The following SOX6 variants were observed in gnomAD, a reference collection of about 807,000 sequenced individuals.
The protein encoded by SOX6 is SRY-box transcription factor 6, also known as transcription factor SOX-6.
SOX6 carries 11 observed loss-of-function variants against 97.8 expected under a neutral mutation model. That is an observed-to-expected ratio of 0.11 (90% CI 0.07 to 0.19). SOX6 has a LOEUF of 0.19. Ranked by LOEUF, SOX6 falls within the 10% of genes least tolerant of loss-of-function variation. SOX6 has a pLI of 1.00. For synonymous variants in SOX6, 360 were observed against 371.4 expected, an observed-to-expected ratio of 0.97 and a Z score of 0.35; for missense variants, 810 against 1,039.5, an observed-to-expected ratio of 0.78 and a Z score of 3.04.
intron 4 of SOX6, among the ~76,000 whole-genome samples, chr11:16,586,995 T>C (rs1474685082): frequency 6.6e-6 from 1 of 152,214 alleles, no homozygotes; most frequent in African/African-American, 2.4e-5. Context: ...GACAGGGTTA[T>C]GATGTACAAG....
intron 3 of SOX6, among the ~76,000 whole-genome samples, chr11:16,713,425 A>G (rs1848195669): frequency 6.6e-6 from 1 of 152,184 alleles, no homozygotes; most frequent in African/African-American, 2.4e-5. Context: ...TTTATTTCAT[A>G]TGGATAATAC....
At position 16,610,672 on chromosome 11, in the gene SOX6, A is replaced by C. The variant is rs777373890; in HGVS notation, n.609+1409T>G. ...TCATCCCTAAAGGAAGGAAACTAAA[A>C]TTTGGGGTCTCGATGCCGCACTTCT... On this transcript the variant is annotated intron_variant and non_coding_transcript_variant, in intron 4 of 5. Coordinates refer to the SOX6 transcript ENST00000524520. This position sits in a 1 kb window ranked among gnomAD's most constrained non-coding sequence, Gnocchi z 4.4. Among the ~76,000 whole-genome samples, 7 of 152,202 alleles carry C rather than the reference A, an allele frequency of 4.6e-5. No homozygotes were observed. Among genetic ancestry groups the C allele is most frequent in the African/African-American group, 7.2e-5 (3 of 41,446 alleles).
intron 3 of SOX6, among the ~76,000 whole-genome samples, chr11:16,634,274 GAA>G (rs1380869933): frequency 2.0e-5 from 3 of 150,946 alleles, no homozygotes; most frequent in African/African-American, 4.9e-5. Flanking sequence ...GTGATGGAGG[GAA>G]AAGTCTGTGA....
intron 3 of SOX6, among the ~76,000 whole-genome samples, chr11:16,660,615 T>C (rs1389041101): frequency 6.6e-6 from 1 of 152,222 alleles, no homozygotes; most frequent in Non-Finnish European, 1.5e-5. Flanking sequence ...ATGTTGTGTT[T>C]CCCCAAAATT....
intron 4 of SOX6, among the ~76,000 whole-genome samples, chr11:16,494,968 T>C (rs1005062627): frequency 1.3e-5 from 2 of 152,108 alleles, no homozygotes; most frequent in African/African-American, 2.4e-5. Context: ...AGATGCCATT[T>C]TGAGAGCCCA....
At chr11:16,702,353 A>G (rs1418759676) in intron 3 of SOX6, among the ~76,000 whole-genome samples, 1 of 152,214 alleles carries the variant, frequency 6.6e-6, no homozygotes, top group East Asian at 1.9e-4. Flanking sequence ...ACCTATAGAA[A>G]TAAGTAATTT....
intron 4 of SOX6, chr11:16,484,788 G>A: frequency 2.9e-6 from 1 of 349,410 alleles, no homozygotes; most frequent in Non-Finnish European, 5.3e-6. Flanking sequence ...AGTTGAGACT[G>A]CATGACTCTT....
chr11:16,227,660 A>G (rs539253247), intron 4 of SOX6, among the ~76,000 whole-genome samples: 44 of 152,246 alleles, frequency 2.9e-4, no homozygotes, highest in Non-Finnish European at 4.3e-4. Flanking sequence ...CAATCTTATC[A>G]ATGTCACAGC....
intron 3 of SOX6, chr11:16,316,694 C>A (rs1301450605): frequency 6.6e-6 from 1 of 152,052 alleles, no homozygotes; most frequent in Non-Finnish European, 1.5e-5. Flanking sequence ...AAAGACTCCT[C>A]CAAAGTATTT....
chr11:16,504,941 C>A (rs921286311), intron 4 of SOX6, among the ~76,000 whole-genome samples: 5 of 152,176 alleles, frequency 3.3e-5, no homozygotes, highest in African/African-American at 1.2e-4. Flanking sequence ...GCCCACAGAA[C>A]CATGAGCCAA....
At chr11:16,287,282 TCTCTCTCTCTCTCTCTCA>T (rs1360513849) in intron 3 of SOX6, among the ~76,000 whole-genome samples, 7 of 37,234 alleles carry the variant, frequency 1.9e-4, no homozygotes, top group Admixed American at 5.7e-4. Context: ...TCTCTCTCTC[TCTCTCTCTCTCTCTCTCA>T]CACACACACA....
At chr11:16,039,483 G>A (rs1358492478) in intron 12 of SOX6, among the ~76,000 whole-genome samples, 1 of 151,964 alleles carries the variant, frequency 6.6e-6, no homozygotes. Flanking sequence ...CTTTTAGAGG[G>A]TCCACTAGAT....
At chr11:16,411,120 G>A (rs1195586616) in intron 1 of SOX6, among the ~76,000 whole-genome samples, 1 of 151,978 alleles carries the variant, frequency 6.6e-6, no homozygotes, top group Non-Finnish European at 1.5e-5. Flanking sequence ...GCAAATTTGG[G>A]GTCATCTGAA....
intron 4 of SOX6, among the ~76,000 whole-genome samples, chr11:16,591,349 AG>A (rs1484422137): frequency 4.7e-4 from 22 of 46,628 alleles, no homozygotes; most frequent in East Asian, 3.7e-3. Context: ...ATAGATAGAT[AG>A]ACAGATAGAT....
At chr11:16,168,287 CG>C in intron 6 of SOX6, among the ~76,000 whole-genome samples, 1 of 152,028 alleles carries the variant, frequency 6.6e-6, no homozygotes, top group South Asian at 2.1e-4. Context: ...GGAGTGATGA[CG>C]TCATTTATAA....
intron 12 of SOX6, among the ~76,000 whole-genome samples, chr11:16,041,492 G>T (rs2133900021): frequency 6.6e-6 from 1 of 152,178 alleles, no homozygotes; most frequent in South Asian, 2.1e-4. Flanking sequence ...TTCAAAAAAT[G>T]AACAATGGCT....
At chr11:16,556,738 T>C (rs1017569107) in intron 4 of SOX6, among the ~76,000 whole-genome samples, 4 of 151,920 alleles carry the variant, frequency 2.6e-5, no homozygotes, top group South Asian at 4.1e-4. Context: ...AACATTATTG[T>C]TCTTGCACTT....
chr11:16,084,736 T>C (rs180798613), intron 9 of SOX6, among the ~76,000 whole-genome samples: 28 of 152,216 alleles, frequency 1.8e-4, no homozygotes, highest in African/African-American at 6.5e-4. Flanking sequence ...AAACCAAGGG[T>C]AGCATGTTGT....
At chr11:16,107,759 T>C (rs2133989809) in intron 7 of SOX6, among the ~76,000 whole-genome samples, 1 of 152,200 alleles carries the variant, frequency 6.6e-6, no homozygotes, top group South Asian at 2.1e-4. Context: ...GCCACTGAGT[T>C]ATATACTTAC....
Sources: allele counts gnomAD v4.1 joint callset (sites outside exome capture counted in the v4.1 genomes callset), GRCh38; gene constraint gnomAD v4.1.1; non-coding constraint Gnocchi (gnomAD v3.1); transcripts MANE v1.5; gene names NCBI Gene and HGNC (gene_info 2026-07-23, HGNC 2026-07-21).